INSYN2A: variants seen among roughly 807,000 people sequenced by gnomAD.
INSYN2A encodes family with sequence similarity 196 member A.
INSYN2A carries 17 observed loss-of-function variants against 39.4 expected under a neutral mutation model. The ratio of observed to expected loss-of-function variants is 0.43; its 90% CI spans 0.30 to 0.65. The LOEUF (loss-of-function observed/expected upper bound fraction) is 0.65, where lower values mean the gene tolerates loss of function less well. INSYN2A is among the 30% of genes least tolerant of loss of function. The pLI is 0.14. For missense variants in INSYN2A, 595 were observed against 631.2 expected, an observed-to-expected ratio of 0.94 and a Z score of 0.61; for synonymous variants, 255 against 265.7, an observed-to-expected ratio of 0.96 and a Z score of 0.39.
At chr10:127,181,169 T>C (rs2055695893) in intron 2 of INSYN2A, among the ~76,000 whole-genome samples, 1 of 152,216 alleles carries the variant, frequency 6.6e-6, no homozygotes, top group African/African-American at 2.4e-5. Context: ...AGTGTGTATA[T>C]GTATGTATAT....
chr10:127,154,095 C>A (rs544005278), intron 4 of INSYN2A, among the ~76,000 whole-genome samples, 172 bp from the exon 5 acceptor site: 2 of 152,252 alleles, frequency 1.3e-5, no homozygotes, highest in South Asian at 4.1e-4. Flanking sequence ...TGTACAAAAC[C>A]AATGCAACAC....
chr10:127,174,270 A>G (rs2054857694), intron 4 of INSYN2A, among the ~76,000 whole-genome samples: 1 of 152,184 alleles, frequency 6.6e-6, no homozygotes, highest in South Asian at 2.1e-4. Flanking sequence ...TCCAGTACAC[A>G]GGCTAGCAGG....
At chr10:127,194,436 C>T (rs767796589) in intron 1 of INSYN2A, among the ~76,000 whole-genome samples, 1 of 152,196 alleles carries the variant, frequency 6.6e-6, no homozygotes, top group Non-Finnish European at 1.5e-5. Context: ...TAAATATGAA[C>T]TTTCAAAAGT....
At chr10:127,187,916 A>G (rs1327220667) in intron 2 of INSYN2A, among the ~76,000 whole-genome samples, 1 of 152,200 alleles carries the variant, frequency 6.6e-6, no homozygotes, top group Non-Finnish European at 1.5e-5. Context: ...TAATGCACAT[A>G]CGATAAAGAA....
At chr10:127,139,420 T>G (rs2051011287) in intron 5 of INSYN2A, among the ~76,000 whole-genome samples, 1 of 152,180 alleles carries the variant, frequency 6.6e-6, no homozygotes, top group Non-Finnish European at 1.5e-5. Context: ...CAGAGAAGTT[T>G]ATGGCTAGTG....
chr10:127,188,380 T>C (rs768976953), intron 2 of INSYN2A, among the ~76,000 whole-genome samples: 1 of 146,824 alleles, frequency 6.8e-6, no homozygotes, highest in Non-Finnish European at 1.5e-5. Context: ...ATATTCACAC[T>C]TTTTTTTATG....
At chr10:127,170,284 G>T (rs1484362099) in intron 4 of INSYN2A, among the ~76,000 whole-genome samples, 1 of 152,136 alleles carries the variant, frequency 6.6e-6, no homozygotes, top group Non-Finnish European at 1.5e-5. Context: ...AAGCCTCAGG[G>T]TCTTATCACT....
intron 2 of INSYN2A, among the ~76,000 whole-genome samples, chr10:127,189,106 G>T (rs2056533928): frequency 6.6e-6 from 1 of 152,202 alleles, no homozygotes; most frequent in South Asian, 2.1e-4. Flanking sequence ...GCATGTGGAT[G>T]ACACTGGATG....
At chr10:127,172,200 A>G (rs1042673420) in intron 4 of INSYN2A, among the ~76,000 whole-genome samples, 3 of 152,172 alleles carry the variant, frequency 2.0e-5, no homozygotes, top group African/African-American at 7.2e-5. Flanking sequence ...CCCTCGTTCT[A>G]AAGTCCTAGA....
chr10:127,145,330 G>A (rs926012962), intron 5 of INSYN2A, among the ~76,000 whole-genome samples: 5 of 152,130 alleles, frequency 3.3e-5, no homozygotes, highest in Admixed American at 1.3e-4. Context: ...TAACAGCACC[G>A]CCACATGTCT....
chr10:127,164,463 G>A (rs1371627825), intron 4 of INSYN2A, among the ~76,000 whole-genome samples: 3 of 152,080 alleles, frequency 2.0e-5, no homozygotes, highest in Non-Finnish European at 4.4e-5. Flanking sequence ...GATTACAGGC[G>A]TGAGCCACTG....
chr10:127,142,679 T>A (rs1409429686), intron 5 of INSYN2A, among the ~76,000 whole-genome samples: 4 of 152,142 alleles, frequency 2.6e-5, no homozygotes, highest in Non-Finnish European at 5.9e-5. Context: ...ACTGTAGGGA[T>A]TTACCTTTGT....
chr10:127,188,083 G>A (rs555695206), intron 2 of INSYN2A, among the ~76,000 whole-genome samples: 1 of 152,328 alleles, frequency 6.6e-6, no homozygotes, highest in African/African-American at 2.4e-5. Flanking sequence ...GGGGGAGCAG[G>A]GAGGTTGAGC....
intron 4 of INSYN2A, among the ~76,000 whole-genome samples, chr10:127,169,954 G>A (rs529285654): frequency 1.4e-4 from 21 of 152,048 alleles, no homozygotes; most frequent in Admixed American, 1.2e-3. Context: ...GAACACCACC[G>A]TAAGCGGCAC....
Position 127,175,186 on chromosome 10 carries a change from C to T in INSYN2A, c.1184+26G>A, listed in dbSNP as rs756157177. On this transcript the variant is annotated intron_variant, in intron 4 of 5. Coordinates refer to ENST00000522781, the MANE Select transcript of INSYN2A (RefSeq NM_001039762.3). This position sits in a 1 kb window ranked among gnomAD's most constrained non-coding sequence, Gnocchi z 6.3. Reference sequence around the variant, plus strand: ...CTGTGGTGATCAGCCTGCATAGCTTCCTAAGACATGGGTGAACATACATAC... The same window carrying T: ...CTGTGGTGATCAGCCTGCATAGCTTTCTAAGACATGGGTGAACATACATAC... 1.9e-6 allele frequency: 3 copies of T among 1,575,802 alleles called. No individual in the cohort carries two copies. The highest frequency in any genetic ancestry group is 1.7e-5 in the Admixed American group (1 of 58,416).
intron 5 of INSYN2A, among the ~76,000 whole-genome samples, chr10:127,147,901 C>T (rs1290723498): frequency 4.0e-5 from 6 of 151,586 alleles, no homozygotes; most frequent in Admixed American, 2.0e-4. Context: ...ATTGGCGGTG[C>T]GCGCACGTAG....
intron 2 of INSYN2A, among the ~76,000 whole-genome samples, chr10:127,189,794 G>T (rs574955238): frequency 1.2e-4 from 19 of 152,312 alleles, no homozygotes; most frequent in African/African-American, 4.3e-4. Flanking sequence ...CGGTTAAGTG[G>T]ACACTGTGCA....
intron 5 of INSYN2A, among the ~76,000 whole-genome samples, chr10:127,141,679 A>AC (rs1564835549): frequency 5.4e-5 from 8 of 149,532 alleles, no homozygotes; most frequent in African/African-American, 1.5e-4. Flanking sequence ...TTTAAAACAA[A>AC]AAAAAAAAAA....
At chr10:127,181,190 A>G (rs1313807887) in intron 2 of INSYN2A, among the ~76,000 whole-genome samples, 1 of 152,250 alleles carries the variant, frequency 6.6e-6, no homozygotes, top group African/African-American at 2.4e-5. Context: ...ATGCATAGGT[A>G]TATACGTGCC....
Sources: gnomAD v4.1 joint callset for allele counts (sites outside exome capture counted in the v4.1 genomes callset) on GRCh38, gnomAD v4.1.1 for gene constraint, Gnocchi (gnomAD v3.1) non-coding constraint, MANE v1.5 for transcripts, NCBI Gene and HGNC (gene_info 2026-07-23, HGNC 2026-07-21) for gene names.